The following IQGAP3 variants were observed in gnomAD, a reference collection of about 807,000 sequenced individuals.
IQGAP3 encodes ras GTPase-activating-like protein IQGAP3.
A neutral mutation model predicts 208.2 loss-of-function variants in IQGAP3; 165 were observed. The observed-to-expected ratio is 0.79, with a 90% confidence interval of 0.70 to 0.90. IQGAP3 has a LOEUF of 0.90. Ranked by LOEUF, IQGAP3 falls within the 40% of genes least tolerant of loss-of-function variation. IQGAP3 has a pLI of 0.00. For synonymous variants in IQGAP3, 703 were observed against 803.6 expected (o/e 0.87, Z 2.12); for missense variants, 1,811 against 2,043.1 (o/e 0.89, Z 2.19).
chr1:156,525,993 GAT>G lies in IQGAP3; in HGVS notation c.*491_*492del, dbSNP rs1205607053. The G allele has an allele frequency of 1.2e-5, 2 of 165,348 alleles. No homozygotes were observed. The highest frequency in any genetic ancestry group is 4.8e-5 in the African/African-American group (2 of 41,954). The allele number at this position is 165,348 out of a possible 1,614,324, so 10.2% of individuals were successfully genotyped here. On this transcript the variant is annotated 3_prime_UTR_variant, in exon 38 of 38. Coordinates refer to ENST00000361170, the MANE Select transcript of IQGAP3 (RefSeq NM_178229.5). ...CCCTGCCCAGGTTGGAGGGTGTGCA[GAT>G]CACAGCAGCAGAGCTGCCTAGACTC...
At chr1:156,532,274 C>G (rs1357900650) in intron 32 of IQGAP3, among the ~76,000 whole-genome samples, 1 of 151,536 alleles carries the variant, frequency 6.6e-6, no homozygotes, top group Non-Finnish European at 1.5e-5. Flanking sequence ...GTAGTCCCAG[C>G]TACTCAGGAG....
chr1:156,539,046 A>T lies in IQGAP3; in HGVS notation c.3057-13T>A. On this transcript the variant is annotated splice_polypyrimidine_tract_variant and intron_variant, in intron 25 of 37. Transcript: ENST00000361170. ...CTCCACCTTTGACCTGTGGTTTAAG[A>T]GGTCATTGAAACCAGTCTTCTGCCT... The T allele has an allele frequency of 6.2e-7, 1 of 1,606,668 alleles. No individual in the cohort carries two copies. The highest frequency in any genetic ancestry group is 8.5e-7 in the Non-Finnish European group (1 of 1,174,610).
At chr1:156,550,494 T>C (rs1675499453) in intron 15 of IQGAP3, 143 bp from the exon 16 acceptor site, 1 of 636,002 alleles carries the variant, frequency 1.6e-6, no homozygotes, top group East Asian at 2.7e-5. Context: ...CTCTGCCCTG[T>C]GTGTGGGCAT....
At chr1:156,544,273 C>G in intron 20 of IQGAP3, 50 bp from the exon 21 acceptor site, 1 of 1,599,656 alleles carries the variant, frequency 6.3e-7, no homozygotes. Context: ...CCCACCCTCA[C>G]TCAGTCTCAG....
intron 29 of IQGAP3, 34 bp from the exon 30 acceptor site, chr1:156,534,175 AGGGCCAGCACCC>A: frequency 6.2e-7 from 1 of 1,609,952 alleles, no homozygotes; most frequent in Non-Finnish European, 8.5e-7. Context: ...GAGAGCGGGG[AGGGCCAGCACCC>A]CACACATCTT....
chr1:156,532,164 A>G (rs1261315755), intron 32 of IQGAP3, among the ~76,000 whole-genome samples: 1 of 151,896 alleles, frequency 6.6e-6, no homozygotes, highest in Non-Finnish European at 1.5e-5. Flanking sequence ...AGGCAGGCAG[A>G]TCACTTGAGG....
At chr1:156,548,032 A>G in intron 19 of IQGAP3, 41 bp downstream of exon 19, 1 of 1,575,160 alleles carries the variant, frequency 6.3e-7, no homozygotes, top group South Asian at 1.2e-5. Flanking sequence ...GAGCCCAGAT[A>G]AGCCCAGGCC....
intron 32 of IQGAP3, among the ~76,000 whole-genome samples, chr1:156,532,150 G>A (rs1363537731): frequency 6.6e-6 from 1 of 151,986 alleles, no homozygotes; most frequent in Non-Finnish European, 1.5e-5. Flanking sequence ...ACTTTGGGAG[G>A]CCAAGGCAGG....
chr1:156,552,961 C>T (rs1366146967), intron 13 of IQGAP3, among the ~76,000 whole-genome samples: 1 of 152,192 alleles, frequency 6.6e-6, no homozygotes, highest in East Asian at 1.9e-4. Flanking sequence ...GTAGTCCTAG[C>T]TACTTGGGAG....
intron 16 of IQGAP3, among the ~76,000 whole-genome samples, chr1:156,549,844 C>G (rs756284837): frequency 1.3e-5 from 2 of 152,140 alleles, no homozygotes; most frequent in Non-Finnish European, 2.9e-5. Context: ...ACTGAGTCTG[C>G]CTGTTTTCCT....
chr1:156,569,254 C>A, intron 2 of IQGAP3, 122 bp downstream of exon 2: 2 of 618,208 alleles, frequency 3.2e-6, no homozygotes, highest in South Asian at 2.1e-5. Context: ...AAAGCTATTT[C>A]AACTCGCCCT....
chr1:156,537,048 CCT>C (rs1674719384), intron 27 of IQGAP3, 131 bp downstream of exon 27: 1 of 947,386 alleles, frequency 1.1e-6, no homozygotes, highest in Non-Finnish European at 1.6e-6. Context: ...TTCAGGAACC[CCT>C]CTGAGTACCC....
chr1:156,554,329 G>C lies in IQGAP3; in HGVS notation c.1354C>G (p.Arg452Gly). 1 of 1,614,058 alleles carries C rather than the reference G, an allele frequency of 6.2e-7. No individual in the cohort carries two copies. The highest frequency in any genetic ancestry group is 8.5e-7 in the Non-Finnish European group (1 of 1,179,980). ...EMLSAVVLIN[R>G]ALEARDASGF... ...CTGGCATCCCGGGCCTCCAGGGCCC[G>C]GTTAATCAGGACCACAGCTGAGAGC... Residue 452 changes from arginine (R) to glycine (G), a missense_variant, in exon 13 of 38, where the codon CGG becomes GGG. Transcript: ENST00000361170.
chr1:156,545,028 T>C (rs572409472), intron 19 of IQGAP3, among the ~76,000 whole-genome samples: 1 of 152,198 alleles, frequency 6.6e-6, no homozygotes, highest in Non-Finnish European at 1.5e-5. Flanking sequence ...AGGTCACTAA[T>C]GCTCTCATAA....
rs1414066873 is a variant in IQGAP3 at position 156,538,938 on chromosome 1, G to A, written c.3152C>T (p.Ala1051Val). 3 of 1,614,000 alleles carry A rather than the reference G, an allele frequency of 1.9e-6. No individual in the cohort carries two copies. The highest frequency in any genetic ancestry group is 2.5e-6 in the Non-Finnish European group (3 of 1,179,994). The change falls in exon 26 of 38, where the codon GCC becomes GTC. Residue 1051 changes from alanine to valine, a missense_variant. By Grantham distance (64) the Ala-to-Val change is moderately conservative. Transcript: ENST00000361170. Reference protein sequence around the residue: ...RFYRNGRGQSALQEILGKVIQ... With the variant: ...RFYRNGRGQSVLQEILGKVIQ... ...AACCTTGCCCAGAATCTCCTGCAGG[G>A]CACTCTGTCCCCGCCCATTACGGTA...
chr1:156,529,445 AAAAG>A (rs1674273808), intron 34 of IQGAP3, among the ~76,000 whole-genome samples: 1 of 152,262 alleles, frequency 6.6e-6, no homozygotes, highest in Non-Finnish European at 1.5e-5. Context: ...AAGAAAAAAA[AAAAG>A]AGAGTTGCAA....
chr1:156,526,966 G>A (rs374058336), intron 37 of IQGAP3, among the ~76,000 whole-genome samples: 2 of 151,794 alleles, frequency 1.3e-5, no homozygotes, highest in African/African-American at 4.8e-5. Flanking sequence ...CTGAGTAGCT[G>A]GGATTACAGG....
In IQGAP3 at chr1:156,540,786, G is replaced by A. The variant is rs1674940147; in HGVS notation, c.2661C>T (p.Ser887=). ...LQEEVVRKIR[S]NQQLEQDLNI... ...TGAGGTCCTGCTCCAGCTGCTGATTGGATCGGATCTTCCTAACTACCTCTT... is the reference window on the plus strand; with the variant it reads ...TGAGGTCCTGCTCCAGCTGCTGATTAGATCGGATCTTCCTAACTACCTCTT... Residue 887 remains serine, a synonymous_variant, in exon 23 of 38, where the codon TCC becomes TCT. Transcript: ENST00000361170. 2.5e-6 allele frequency: 4 copies of A among 1,613,996 alleles called. No homozygotes were observed. The highest frequency in any genetic ancestry group is 1.3e-5 in the African/African-American group (1 of 74,902).
chr1:156,551,777 T>C lies in IQGAP3; in HGVS notation c.1662A>G (p.Leu554=). The C allele has an allele frequency of 6.2e-7, 1 of 1,614,060 alleles. No individual in the cohort carries two copies. ...GGGCGACAGGGAGGCTGACATCATCTAGGCCAGCTGCAGGAAGCAGTAGGG... is the reference window on the plus strand; with the variant it reads ...GGGCGACAGGGAGGCTGACATCATCCAGGCCAGCTGCAGGAAGCAGTAGGG... ...LSALLLPAAG[L]DDVSLPVAPR... Residue 554 remains leucine (L), a synonymous_variant, in exon 15 of 38, where the codon CTA becomes CTG. Coordinates refer to ENST00000361170, the MANE Select transcript of IQGAP3 (RefSeq NM_178229.5).
Sources: gnomAD v4.1 joint callset for allele counts (sites outside exome capture counted in the v4.1 genomes callset) on GRCh38, gnomAD v4.1.1 for gene constraint, MANE v1.5 for transcripts, NCBI Gene and HGNC (gene_info 2026-07-23, HGNC 2026-07-21) for gene names.